FANK1: variants seen among roughly 807,000 people sequenced by gnomAD.
The protein encoded by FANK1 is fibronectin type 3 and ankyrin repeat domains protein 1.
Under a neutral mutation model 45.3 loss-of-function variants are expected in FANK1, and 44 were observed. The observed-to-expected ratio is 0.97, with a 90% CI of 0.76 to 1.25. The LOEUF (loss-of-function observed/expected upper bound fraction) is 1.25, where lower values mean the gene tolerates loss of function less well. Among genes scored for constraint, FANK1 ranks in the 50% most tolerant of loss-of-function variants. The pLI is 0.00. For synonymous variants in FANK1, 149 were observed against 152.5 expected (o/e 0.98, Z 0.17); for missense variants, 391 against 424.4 (o/e 0.92, Z 0.69).
chr10:125,909,686 C>CT (rs34854157), intron 1 of FANK1, among the ~76,000 whole-genome samples: 4,182 of 103,242 alleles, frequency 0.041, 285 homozygotes, highest in African/African-American at 0.12. Flanking sequence ...GACCAATTAA[C>CT]TTTTTTTTTT....
At chr10:125,951,864 A>G (rs1195572098) in intron 1 of FANK1, among the ~76,000 whole-genome samples, 1 of 152,234 alleles carries the variant, frequency 6.6e-6, no homozygotes, top group African/African-American at 2.4e-5. Flanking sequence ...ATTCAAATGC[A>G]TTTAAAAACT....
chr10:125,903,719 G>T (rs1945247263), intron 1 of FANK1, among the ~76,000 whole-genome samples: 1 of 151,874 alleles, frequency 6.6e-6, no homozygotes, highest in East Asian at 1.9e-4. Flanking sequence ...TCAGGCTAGT[G>T]CACGTACTTT....
At chr10:125,938,121 G>T (rs962619878) in intron 1 of FANK1, among the ~76,000 whole-genome samples, 8 of 152,112 alleles carry the variant, frequency 5.3e-5, no homozygotes, top group Admixed American at 2.6e-4. Context: ...CAGTCTCTTG[G>T]TAGTTTTGAT....
rs1172060774 is a variant in FANK1 at position 125,983,129 on chromosome 10, T to A, written c.191+2791T>A. ...AACCCTCCAGTCAGATTTCTTACTG[T>A]CCTTTGAATATGCCTTGACGTTTTC... On this transcript the variant is annotated intron_variant, in intron 2 of 10. Coordinates refer to ENST00000368693, the MANE Select transcript of FANK1 (RefSeq NM_145235.5). The surrounding 1 kb of genome is among the most constrained non-coding windows in gnomAD (Gnocchi z 4.3). Among the ~76,000 whole-genome samples, 3 of 152,174 alleles carry A rather than the reference T, an allele frequency of 2.0e-5. No individual in the cohort carries two copies.
chr10:125,958,072 T>C (rs1227924443), intron 1 of FANK1, among the ~76,000 whole-genome samples: 3 of 152,148 alleles, frequency 2.0e-5, no homozygotes, highest in Admixed American at 6.5e-5. Context: ...AATATTCTCT[T>C]TCTAGCTATT....
At chr10:125,958,293 T>C (rs1351239823) in intron 1 of FANK1, among the ~76,000 whole-genome samples, 1 of 152,188 alleles carries the variant, frequency 6.6e-6, no homozygotes, top group African/African-American at 2.4e-5. Context: ...TTAGTCTGTT[T>C]TCACATTGCT....
intron 7 of FANK1, among the ~76,000 whole-genome samples, chr10:126,006,734 C>T (rs943030664): frequency 6.6e-6 from 1 of 152,256 alleles, no homozygotes; most frequent in Non-Finnish European, 1.5e-5. Flanking sequence ...GTGGTGGGCA[C>T]CTGTAATCCC....
At chr10:125,970,877 C>T (rs1590103083) in intron 1 of FANK1, among the ~76,000 whole-genome samples, 1 of 152,064 alleles carries the variant, frequency 6.6e-6, no homozygotes, top group South Asian at 2.1e-4. Context: ...AGAGCTTGAG[C>T]TTGAATTTTT....
At chr10:125,965,908 T>C (rs1201213825) in intron 1 of FANK1, among the ~76,000 whole-genome samples, 1 of 152,258 alleles carries the variant, frequency 6.6e-6, no homozygotes, top group Non-Finnish European at 1.5e-5. Context: ...GCATTATCAC[T>C]ACCTTATGTT....
intron 1 of FANK1, among the ~76,000 whole-genome samples, chr10:125,934,732 T>G (rs901265677): frequency 2.0e-4 from 8 of 39,346 alleles, no homozygotes; most frequent in African/African-American, 7.0e-4. Context: ...CCGTTTTTTT[T>G]TTTTTTTTTT....
chr10:125,903,850 T>A (rs1471560189), intron 1 of FANK1, among the ~76,000 whole-genome samples: 1 of 151,930 alleles, frequency 6.6e-6, no homozygotes, highest in Non-Finnish European at 1.5e-5. Flanking sequence ...TGTTTGTTTG[T>A]TTTGTTTTGT....
intron 6 of FANK1, among the ~76,000 whole-genome samples, chr10:126,001,411 CAA>C (rs1952745829): frequency 6.6e-6 from 1 of 152,086 alleles, no homozygotes; most frequent in Admixed American, 6.5e-5. Flanking sequence ...TCATACAGAA[CAA>C]GAGAGAAAAG....
chr10:125,989,268 A>C, intron 3 of FANK1: 1 of 1,548,810 alleles, frequency 6.5e-7, no homozygotes, highest in Non-Finnish European at 8.7e-7. Context: ...TAAAGATGCT[A>C]TCTATGTCCA....
intron 1 of FANK1, among the ~76,000 whole-genome samples, chr10:125,957,496 G>A (rs1390367458): frequency 6.6e-6 from 1 of 151,800 alleles, no homozygotes; most frequent in East Asian, 1.9e-4. Context: ...AGCTCTCTCA[G>A]CTTGGTTTAT....
At chr10:125,993,307 G>A (rs1326885841) in intron 3 of FANK1, among the ~76,000 whole-genome samples, 1 of 152,182 alleles carries the variant, frequency 6.6e-6, no homozygotes, top group African/African-American at 2.4e-5. Flanking sequence ...GGATAACAGA[G>A]ACTTTTATAA....
chr10:125,995,231 T>C (rs762726321), intron 3 of FANK1, among the ~76,000 whole-genome samples, 186 bp from the exon 4 acceptor site: 6 of 152,190 alleles, frequency 3.9e-5, no homozygotes, highest in Non-Finnish European at 8.8e-5. Flanking sequence ...AATGTTCTCT[T>C]AATATGTGAA....
At chr10:125,985,117 AG>A (rs1951468628) in intron 2 of FANK1, among the ~76,000 whole-genome samples, 1 of 152,158 alleles carries the variant, frequency 6.6e-6, no homozygotes, top group Non-Finnish European at 1.5e-5. Context: ...TTCCCTTTCC[AG>A]GGGTTATGGA....
intron 1 of FANK1, among the ~76,000 whole-genome samples, chr10:125,975,669 T>A (rs1340277327): frequency 6.6e-6 from 1 of 152,242 alleles, no homozygotes; most frequent in Non-Finnish European, 1.5e-5. Context: ...TGTAAATGTG[T>A]TTAAGTTCTT....
chr10:125,996,605 G>C lies in FANK1; in HGVS notation c.454G>C (p.Ala152Pro), dbSNP rs762982116. 6 of 1,614,098 alleles carry C rather than the reference G, an allele frequency of 3.7e-6. No homozygotes were observed. The highest frequency in any genetic ancestry group is 5.1e-6 in the Non-Finnish European group (6 of 1,179,984). ...KFGFTALMVA[A>P]QKGYTRLVKI... ...TGGCTTTACCGCTCTGATGGTTGCT[G>C]CCCAGAAAGGATACACCAGGTATGG... Residue 152 changes from alanine to proline, a missense_variant, in exon 5 of 11, where the codon GCC becomes CCC. Ala to Pro is a conservative substitution (Grantham distance 27). Transcript: ENST00000368693.
Sources: allele counts gnomAD v4.1 joint callset (sites outside exome capture counted in the v4.1 genomes callset), GRCh38; gene constraint gnomAD v4.1.1; non-coding constraint Gnocchi (gnomAD v3.1); transcripts MANE v1.5; gene names NCBI Gene and HGNC (gene_info 2026-07-23, HGNC 2026-07-21).